Variants in UNC79 observed in about 807,000 individuals in gnomAD.
The protein encoded by UNC79 is protein unc-79 homolog.
A neutral mutation model predicts 283.1 loss-of-function variants in UNC79; 37 were observed. The ratio of observed to expected loss-of-function variants is 0.13; its 90% confidence interval spans 0.10 to 0.17. The LOEUF (loss-of-function observed/expected upper bound fraction) is 0.17. Among genes scored for constraint, UNC79 ranks in the 10% least tolerant of loss-of-function variants. The pLI is 1.00. For synonymous variants in UNC79, 1,107 were observed against 1,200.2 expected, an observed-to-expected ratio of 0.92 and a Z score of 1.61; for missense variants, 2,272 against 3,211.1, an observed-to-expected ratio of 0.71 and a Z score of 7.07.
chr14:93,584,985 C>A (rs1238070898), intron 20 of UNC79, among the ~76,000 whole-genome samples: 1 of 152,170 alleles, frequency 6.6e-6, no homozygotes, highest in African/African-American at 2.4e-5. Flanking sequence ...GCGTGAGCCA[C>A]TGCGCCTGGC....
chr14:93,464,029 G>A (rs1178917047), intron 1 of UNC79, among the ~76,000 whole-genome samples: 1 of 152,024 alleles, frequency 6.6e-6, no homozygotes, highest in Non-Finnish European at 1.5e-5. Context: ...GGCACCTGTA[G>A]TCCCAGCTAC....
rs917224962 is a variant in UNC79 at position 93,557,995 on chromosome 14, A to G, written c.1756-13899A>G. Among the ~76,000 whole-genome samples the G allele has an allele frequency of 3.9e-5, 6 of 152,304 alleles. No homozygotes were observed. The South Asian group carries it at 1.2e-3, about 32-fold the overall frequency. ...AGAGACTGAGAGAGAATACCCCCAC[A>G]TGGTCAAAAAGTCAAGCTTTCAAGG... On this transcript the variant is annotated intron_variant, in intron 14 of 48. Coordinates refer to ENST00000555664, the Ensembl canonical transcript of UNC79.
chr14:93,433,518 G>A (rs924773520), intron 1 of UNC79, among the ~76,000 whole-genome samples: 1 of 152,076 alleles, frequency 6.6e-6, no homozygotes, highest in African/African-American at 2.4e-5. Flanking sequence ...TTAGCTACGT[G>A]TAAGGAGCAA....
intron 1 of UNC79, among the ~76,000 whole-genome samples, chr14:93,411,995 C>G (rs2055346074): frequency 6.6e-6 from 1 of 152,152 alleles, no homozygotes; most frequent in Admixed American, 6.5e-5. Context: ...GCCTTTCAGA[C>G]AGATAATTCA....
At chr14:93,606,045 T>G (rs12886158) in intron 26 of UNC79, among the ~76,000 whole-genome samples, 103,602 of 152,098 alleles carry the variant, frequency 0.68, 35,572 homozygotes, top group Admixed American at 0.72. Flanking sequence ...GCAGTTCCCC[T>G]TCAGTGAGGC....
intron 23 of UNC79, among the ~76,000 whole-genome samples, chr14:93,596,861 C>T (rs2065121103): frequency 6.6e-6 from 1 of 152,100 alleles, no homozygotes; most frequent in African/African-American, 2.4e-5. Flanking sequence ...GAAGAAATAC[C>T]TGGCTTCGAT....
At chr14:93,705,604 C>A (rs140782278) in intron 48 of UNC79, among the ~76,000 whole-genome samples, 1 of 152,186 alleles carries the variant, frequency 6.6e-6, no homozygotes, top group Admixed American at 6.5e-5. Context: ...AGAGGAGATC[C>A]CGCCTGAATA....
intron 1 of UNC79, among the ~76,000 whole-genome samples, chr14:93,445,592 T>C (rs2056438223): frequency 6.6e-6 from 1 of 152,218 alleles, no homozygotes; most frequent in African/African-American, 2.4e-5. Context: ...TATTTTTGTC[T>C]GGTTTTGAAA....
intron 7 of UNC79, among the ~76,000 whole-genome samples, chr14:93,509,870 A>G (rs922698159): frequency 6.6e-5 from 10 of 152,206 alleles, no homozygotes; most frequent in African/African-American, 1.2e-4. Context: ...CAGTGCCCCC[A>G]TAGGGACTCT....
At chr14:93,368,738 C>T (rs762308877) in intron 1 of UNC79, among the ~76,000 whole-genome samples, 19 of 152,102 alleles carry the variant, frequency 1.2e-4, no homozygotes, top group South Asian at 2.1e-4. Flanking sequence ...TTCCAAAGTG[C>T]GGGGATTACA....
chr14:93,659,107 A>G, intron 38 of UNC79, 86 bp from the exon 42 acceptor site: 1 of 1,084,114 alleles, frequency 9.2e-7, no homozygotes, highest in Non-Finnish European at 1.3e-6. Flanking sequence ...TCCTTTTGCT[A>G]AACTAAATGC....
intron 3 of UNC79, among the ~76,000 whole-genome samples, chr14:93,476,767 C>G (rs778899282): frequency 1.3e-5 from 2 of 152,210 alleles, no homozygotes; most frequent in Non-Finnish European, 2.9e-5. Flanking sequence ...ATTTGGCCTA[C>G]ATGCATTCTA....
chr14:93,641,608 G>A (rs1233673326), intron 33 of UNC79, among the ~76,000 whole-genome samples: 1 of 152,122 alleles, frequency 6.6e-6, no homozygotes, highest in Non-Finnish European at 1.5e-5. Context: ...AGCTGTGATA[G>A]CGCCACTACA....
At chr14:93,420,591 A>G (rs2055574248) in intron 1 of UNC79, among the ~76,000 whole-genome samples, 1 of 151,818 alleles carries the variant, frequency 6.6e-6, no homozygotes, top group Non-Finnish European at 1.5e-5. Context: ...CTTAATCTGC[A>G]CTATAGAACA....
chr14:93,657,351 A>ATT (rs11322674), intron 38 of UNC79, among the ~76,000 whole-genome samples: 4 of 136,888 alleles, frequency 2.9e-5, no homozygotes, highest in African/African-American at 5.4e-5. Context: ...GGTATGGCAA[A>ATT]TTTTTTTTTT....
intron 14 of UNC79, among the ~76,000 whole-genome samples, chr14:93,570,338 A>T (rs1454456321): frequency 1.3e-5 from 2 of 152,210 alleles, no homozygotes; most frequent in Non-Finnish European, 2.9e-5. Context: ...TTTCTAACTG[A>T]CATGGAAACC....
chr14:93,562,444 T>G (rs939959863), intron 14 of UNC79, among the ~76,000 whole-genome samples: 2 of 152,116 alleles, frequency 1.3e-5, no homozygotes, highest in South Asian at 4.1e-4. Flanking sequence ...CACATAAAAG[T>G]TCAAATGGGC....
chr14:93,344,711 G>A (rs11621700), intron 1 of UNC79, among the ~76,000 whole-genome samples: 11,220 of 152,230 alleles, frequency 0.074, 870 homozygotes, highest in African/African-American at 0.19. Flanking sequence ...TACAGGACTC[G>A]TGTAAATCAC....
At chr14:93,457,760 C>T (rs948062377) in intron 1 of UNC79, among the ~76,000 whole-genome samples, 1 of 152,310 alleles carries the variant, frequency 6.6e-6, no homozygotes, top group South Asian at 2.1e-4. Flanking sequence ...GTCTGGACAT[C>T]ACAGCAATTA....
Sources: gnomAD v4.1 joint callset for allele counts (sites outside exome capture counted in the v4.1 genomes callset) on GRCh38, gnomAD v4.1.1 for gene constraint, MANE v1.5 for transcripts, NCBI Gene and HGNC (gene_info 2026-07-23, HGNC 2026-07-21) for gene names.